Variants in CIMAP3 observed in about 807,000 individuals in gnomAD.
CIMAP3 encodes ciliary microtubule-associated protein 3.
the CIMAP3 span, among the ~76,000 whole-genome samples, chr1:111,335,792 C>T: frequency 6.6e-6 from 1 of 152,262 alleles, no homozygotes; most frequent in Non-Finnish European, 1.5e-5. Flanking sequence ...AACAAAAAGG[C>T]AGCAGTAACC....
At chr1:111,337,923 C>G in the CIMAP3 span, among the ~76,000 whole-genome samples, 1 of 150,020 alleles carries the variant, frequency 6.7e-6, no homozygotes, top group Non-Finnish European at 1.5e-5. Flanking sequence ...ACACCTATTC[C>G]AAAATTGACC....
At chr1:111,340,493 C>T in the CIMAP3 span, among the ~76,000 whole-genome samples, 13 of 151,810 alleles carry the variant, frequency 8.6e-5, no homozygotes, top group Admixed American at 2.6e-4. Context: ...CTACAATGAA[C>T]GCAAACAAAT....
the CIMAP3 span, among the ~76,000 whole-genome samples, chr1:111,329,072 T>C: frequency 6.6e-6 from 1 of 152,234 alleles, no homozygotes; most frequent in Non-Finnish European, 1.5e-5. Flanking sequence ...TTTACTTATC[T>C]AAAAAGGATC....
At chr1:111,329,811 C>T in the CIMAP3 span, among the ~76,000 whole-genome samples, 11,858 of 152,002 alleles carry the variant, frequency 0.078, 590 homozygotes, top group African/African-American at 0.14. Context: ...GCCTCAGCCT[C>T]CCAAAGTGCT....
chr1:111,324,753 T>A, the CIMAP3 span: 1 of 985,278 alleles, frequency 1.0e-6, no homozygotes, highest in Non-Finnish European at 1.2e-6. Flanking sequence ...TTACTGGAAG[T>A]TCCCCTGAGG....
chr1:111,336,422 C>T, the CIMAP3 span, among the ~76,000 whole-genome samples: 1 of 151,964 alleles, frequency 6.6e-6, no homozygotes, highest in Non-Finnish European at 1.5e-5. Context: ...GAAATTCAAA[C>T]CAAAGGCAAA....
chr1:111,341,392 G>A, the CIMAP3 span, among the ~76,000 whole-genome samples: 2 of 152,150 alleles, frequency 1.3e-5, no homozygotes, highest in Admixed American at 6.5e-5. Context: ...ATCTGAATGC[G>A]TCAAAGTATT....
the CIMAP3 span, among the ~76,000 whole-genome samples, chr1:111,325,724 A>G: frequency 6.6e-6 from 1 of 152,218 alleles, no homozygotes; most frequent in African/African-American, 2.4e-5. Context: ...GTTTAGATGT[A>G]ACTACTTTAG....
chr1:111,326,564 A>G, the CIMAP3 span, among the ~76,000 whole-genome samples: 1 of 151,996 alleles, frequency 6.6e-6, no homozygotes, highest in Non-Finnish European at 1.5e-5. Flanking sequence ...TTATATCTTT[A>G]CAATTGTGAA....
chr1:111,330,515 G>A, the CIMAP3 span, among the ~76,000 whole-genome samples: 11 of 152,160 alleles, frequency 7.2e-5, no homozygotes, highest in African/African-American at 2.4e-4. Flanking sequence ...TAGGCTTATT[G>A]GTCAGTCAGT....
At chr1:111,351,380 GA>G in the CIMAP3 span, 1 of 1,401,654 alleles carries the variant, frequency 7.1e-7, no homozygotes, top group Non-Finnish European at 9.6e-7. Context: ...CTCCAGGACT[GA>G]GGACAGAGCT....
chr1:111,341,804 T>C, the CIMAP3 span, among the ~76,000 whole-genome samples: 2 of 152,194 alleles, frequency 1.3e-5, no homozygotes, highest in African/African-American at 4.8e-5. Context: ...TTTTATCATA[T>C]AATGATCTAT....
the CIMAP3 span, among the ~76,000 whole-genome samples, chr1:111,341,945 C>A: frequency 6.6e-6 from 1 of 151,428 alleles, no homozygotes; most frequent in African/African-American, 2.4e-5. Context: ...CTCAAAAGAC[C>A]CAATCTAAGA....
the CIMAP3 span, chr1:111,349,987 A>G: frequency 1.4e-6 from 1 of 691,342 alleles, no homozygotes; most frequent in South Asian, 2.0e-5. Flanking sequence ...TTAAAAAGCT[A>G]ATCAATCTGT....
the CIMAP3 span, among the ~76,000 whole-genome samples, chr1:111,328,553 T>C: frequency 2.0e-5 from 3 of 152,218 alleles, no homozygotes; most frequent in African/African-American, 7.2e-5. Context: ...GCATATATAT[T>C]TAGGAAAGTT....
At chr1:111,349,549 A>T in the CIMAP3 span, 1 of 152,466 alleles carries the variant, frequency 6.6e-6, no homozygotes, top group Non-Finnish European at 1.5e-5. Flanking sequence ...CTCAAGTTGC[A>T]TTAAGGAAGT....
At chr1:111,334,076 C>T in the CIMAP3 span, among the ~76,000 whole-genome samples, 14 of 152,208 alleles carry the variant, frequency 9.2e-5, no homozygotes, top group African/African-American at 3.1e-4. Flanking sequence ...AAACAATGTT[C>T]ACATTATTAG....
chr1:111,347,077 C>A, the CIMAP3 span: 5 of 1,561,518 alleles, frequency 3.2e-6, no homozygotes, highest in Non-Finnish European at 4.3e-6. Context: ...CTTAGATGCT[C>A]CTCAGTTCCC....
At chr1:111,335,651 G>T in the CIMAP3 span, among the ~76,000 whole-genome samples, 3 of 152,364 alleles carry the variant, frequency 2.0e-5, no homozygotes, top group South Asian at 4.1e-4. Context: ...TGGGGGAGGG[G>T]CACCCGCCAT....
Sources: allele counts gnomAD v4.1 joint callset (sites outside exome capture counted in the v4.1 genomes callset), GRCh38; gene constraint gnomAD v4.1.1; transcripts MANE v1.5; gene names NCBI Gene and HGNC (gene_info 2026-07-23, HGNC 2026-07-21).